The following RERE variants were observed in gnomAD, a reference collection of about 807,000 sequenced individuals.
RERE encodes arginine-glutamic acid dipeptide repeats, also known as arginine-glutamic acid dipeptide repeats protein.
RERE carries 40 observed loss-of-function variants against 146.1 expected under a neutral mutation model. The observed-to-expected ratio is 0.27, with a 90% CI of 0.21 to 0.36. The LOEUF is 0.36. Among genes scored for constraint, RERE ranks in the 10% least tolerant of loss-of-function variants. The pLI is 1.00. For synonymous variants in RERE, 1,003 were observed against 866.0 expected, an observed-to-expected ratio of 1.16 and a Z score of -2.78; for missense variants, 1,933 against 2,138.7, an observed-to-expected ratio of 0.90 and a Z score of 1.90.
chr1:8,484,055 G>A (rs1366709419), intron 10 of RERE, among the ~76,000 whole-genome samples: 1 of 152,136 alleles, frequency 6.6e-6, no homozygotes, highest in African/African-American at 2.4e-5. Flanking sequence ...GCCCAAAGAA[G>A]GAAATCCAAT....
intron 4 of RERE, among the ~76,000 whole-genome samples, chr1:8,598,398 C>T (rs780795149): frequency 2.6e-5 from 4 of 152,146 alleles, no homozygotes; most frequent in East Asian, 1.9e-4. Context: ...AGGGCATTCC[C>T]GGCCCTCCAG....
intron 1 of RERE, among the ~76,000 whole-genome samples, chr1:8,779,017 T>C (rs901078728): frequency 2.6e-5 from 4 of 151,470 alleles, no homozygotes; most frequent in African/African-American, 9.7e-5. Flanking sequence ...TGGCTAATTT[T>C]TGTATTTTTA....
At chr1:8,413,958 GGGA>G (rs1349212120) in intron 12 of RERE, among the ~76,000 whole-genome samples, 9 of 151,260 alleles carry the variant, frequency 6.0e-5, no homozygotes, top group Non-Finnish European at 1.0e-4. Context: ...GGGAGGAAGA[GGGA>G]GGAGAATTGC....
intron 1 of RERE, among the ~76,000 whole-genome samples, chr1:8,678,638 T>G (rs967381068): frequency 1.9e-4 from 27 of 142,266 alleles, no homozygotes; most frequent in African/African-American, 7.1e-4. Context: ...GAGGTTGCAG[T>G]GAGCCGAGAT....
intron 9 of RERE, among the ~76,000 whole-genome samples, chr1:8,497,162 C>A (rs989990421): frequency 9.2e-5 from 14 of 152,144 alleles, no homozygotes; most frequent in African/African-American, 3.4e-4. Flanking sequence ...TGAAAAGTTC[C>A]AAAATTTGAT....
intron 4 of RERE, among the ~76,000 whole-genome samples, chr1:8,584,606 G>C (rs533335952): frequency 1.1e-4 from 17 of 152,244 alleles, no homozygotes; most frequent in African/African-American, 3.9e-4. Context: ...TACAGAGACA[G>C]CTACATAAGG....
chr1:8,594,365 C>A (rs890000314), intron 4 of RERE, among the ~76,000 whole-genome samples: 5 of 152,110 alleles, frequency 3.3e-5, no homozygotes, highest in African/African-American at 1.2e-4. Context: ...GTACTTACAA[C>A]AAACTACATA....
chr1:8,629,715 C>T (rs1432411690), intron 2 of RERE, among the ~76,000 whole-genome samples: 1 of 152,128 alleles, frequency 6.6e-6, no homozygotes, highest in Non-Finnish European at 1.5e-5. Context: ...GCCACACACG[C>T]CAGTACTAAA....
chr1:8,361,021 A>G lies in RERE; in HGVS notation c.2486T>C (p.Leu829Pro), dbSNP rs1641550821. 1.2e-5 allele frequency: 17 copies of G among 1,434,178 alleles called. No individual in the cohort carries two copies. The East Asian group carries it at 4.3e-4, about 37-fold the overall frequency. The allele number at this position is 1,434,178 out of a possible 1,614,324, so 88.8% of individuals were successfully genotyped here. The change falls in exon 18 of 23, where the codon CTG becomes CCG. Residue 829 changes from leucine to proline, a missense_variant. Leu to Pro is a moderately conservative substitution (Grantham distance 98). Around this residue, in one of 11 missense-constraint regions of RERE, gnomAD observed 1,255 missense variants for 1,153.8 expected, o/e 1.09. Transcript: ENST00000400908. ...AGAAGGCTGGCCCGCCGACCCAGTC[A>G]GAGGCTGCAGCGGGGGATGTGGCGA... ...HPSPHPPLQP[L>P]TGSAGQPSAP...
chr1:8,441,982 G>C (rs573530966), intron 11 of RERE, among the ~76,000 whole-genome samples: 1 of 147,442 alleles, frequency 6.8e-6, no homozygotes, highest in African/African-American at 2.4e-5. Flanking sequence ...ATCGGACACT[G>C]GACTTTCAAA....
At chr1:8,683,047 A>AG in intron 1 of RERE, among the ~76,000 whole-genome samples, 1 of 151,462 alleles carries the variant, frequency 6.6e-6, no homozygotes, top group East Asian at 1.9e-4. Context: ...AAAAAAAAAA[A>AG]AAAAAAAAGA....
intron 2 of RERE, among the ~76,000 whole-genome samples, chr1:8,650,061 G>T (rs530758999): frequency 6.6e-6 from 1 of 152,184 alleles, no homozygotes; most frequent in East Asian, 1.9e-4. Context: ...CGAGGCAGGC[G>T]GGAACATGGG....
chr1:8,752,204 G>GA (rs957001394), intron 1 of RERE, among the ~76,000 whole-genome samples: 18 of 146,558 alleles, frequency 1.2e-4, no homozygotes, highest in South Asian at 4.3e-4. Flanking sequence ...TCTTCAAATG[G>GA]AAAAAAAAAA....
chr1:8,383,330 C>T (rs1642519804), intron 12 of RERE, among the ~76,000 whole-genome samples: 1 of 150,892 alleles, frequency 6.6e-6, no homozygotes, highest in Admixed American at 6.6e-5. Context: ...AATGACGCCA[C>T]ACAAGATCAT....
chr1:8,604,573 AAAAGAAGG>A (rs1646674424), intron 4 of RERE, among the ~76,000 whole-genome samples: 1 of 133,348 alleles, frequency 7.5e-6, no homozygotes, highest in African/African-American at 2.8e-5. Flanking sequence ...GGAGTTTAAA[AAAAGAAGG>A]AAGGAAGGAA....
intron 6 of RERE, among the ~76,000 whole-genome samples, chr1:8,555,986 T>G (rs1646002503): frequency 6.6e-6 from 1 of 152,172 alleles, no homozygotes; most frequent in African/African-American, 2.4e-5. Context: ...TTGCCTGGGT[T>G]CTCAAGTAAT....
intron 5 of RERE, 106 bp downstream of exon 5, chr1:8,557,312 C>T: frequency 1.3e-6 from 1 of 769,246 alleles, no homozygotes; most frequent in Non-Finnish European, 2.2e-6. Context: ...ACCAACACTC[C>T]AAAATCCATT....
At chr1:8,687,591 A>G (rs1639118738) in intron 1 of RERE, among the ~76,000 whole-genome samples, 1 of 152,258 alleles carries the variant, frequency 6.6e-6, no homozygotes, top group Non-Finnish European at 1.5e-5. Flanking sequence ...CAAACTGCTG[A>G]AAATGGTCAG....
At chr1:8,421,812 A>G (rs1306506457) in intron 12 of RERE, among the ~76,000 whole-genome samples, 1 of 152,188 alleles carries the variant, frequency 6.6e-6, no homozygotes, top group Non-Finnish European at 1.5e-5. Flanking sequence ...AAGCAGCTCA[A>G]TGTCTAGGCA....
Sources: allele counts gnomAD v4.1 joint callset (sites outside exome capture counted in the v4.1 genomes callset), GRCh38; gene constraint gnomAD v4.1.1; regional missense constraint gnomAD v4.1.1; transcripts MANE v1.5; gene names NCBI Gene and HGNC (gene_info 2026-07-23, HGNC 2026-07-21).